Variants in CACNA1A observed in about 807,000 individuals in gnomAD.
CACNA1A encodes voltage-dependent P/Q-type calcium channel subunit alpha-1A.
In CACNA1A, 57 loss-of-function variants were observed where a neutral mutation model predicts 262.4. The ratio of observed to expected loss-of-function variants is 0.22; its 90% CI spans 0.18 to 0.27. The LOEUF is 0.27. Among genes scored for constraint, CACNA1A ranks in the 10% least tolerant of loss-of-function variants. The pLI is 1.00. For synonymous variants in CACNA1A, 1,431 were observed against 1,419.3 expected (o/e 1.01, Z -0.18); for missense variants, 2,526 against 3,562.8 (o/e 0.71, Z 7.41).
Position 13,236,757 on chromosome 19 carries a change from C to G in CACNA1A, c.4951-1027G>C, listed in dbSNP as rs576692060. ...GGACCTCCCTGGGTGGCCACTGCCT[C>G]TGCTCAAAAACCCCCTGTCTAGTCA... On this transcript the variant is annotated intron_variant, in intron 31 of 46. Coordinates refer to ENST00000360228, the MANE Select transcript of CACNA1A (RefSeq NM_001127222.2). The surrounding 1 kb of genome is among the most constrained non-coding windows in gnomAD (Gnocchi z 4.6). The G allele has an allele frequency of 7.2e-5, 11 of 152,490 alleles. No individual in the cohort carries two copies. In the East Asian group the frequency reaches 2.1e-3, roughly 30 times the overall value. 9.4% of individuals were successfully genotyped at this position (152,490 alleles called of 1,614,324 possible).
At chr19:13,399,986 C>T (rs2059871772) in intron 3 of CACNA1A, among the ~76,000 whole-genome samples, 1 of 152,168 alleles carries the variant, frequency 6.6e-6, no homozygotes, top group South Asian at 2.1e-4. Context: ...CCTCAGTTGT[C>T]TCATCTGTAA....
intron 10 of CACNA1A, among the ~76,000 whole-genome samples, chr19:13,318,562 G>A (rs143491593): frequency 2.2e-4 from 33 of 152,264 alleles, no homozygotes; most frequent in African/African-American, 7.5e-4. Context: ...AGTGAGAGGT[G>A]AGGACGGGAG....
At chr19:13,445,598 G>T (rs953745512) in intron 3 of CACNA1A, among the ~76,000 whole-genome samples, 3 of 152,150 alleles carry the variant, frequency 2.0e-5, no homozygotes. Context: ...CTCTGGTGAG[G>T]TTCACAGTCT....
chr19:13,209,041 G>C (rs188871174), intron 45 of CACNA1A, 32 bp from the exon 46 acceptor site: 24 of 1,536,740 alleles, frequency 1.6e-5, no homozygotes, highest in Non-Finnish European at 2.0e-5. Flanking sequence ...CAGACACACA[G>C]GTGGTCGTGA....
chr19:13,382,156 C>A (rs552793343), intron 3 of CACNA1A, among the ~76,000 whole-genome samples: 6 of 152,110 alleles, frequency 3.9e-5, no homozygotes, highest in Non-Finnish European at 8.8e-5. Flanking sequence ...GATTCAACTA[C>A]AAGTCCCTCT....
At chr19:13,480,093 T>C (rs1489336435) in intron 1 of CACNA1A, among the ~76,000 whole-genome samples, 1 of 152,236 alleles carries the variant, frequency 6.6e-6, no homozygotes, top group African/African-American at 2.4e-5. Flanking sequence ...ACAACTATAT[T>C]AGCATATTAC....
chr19:13,402,857 T>TAC (rs1282745878), intron 3 of CACNA1A, among the ~76,000 whole-genome samples: 7,212 of 74,572 alleles, frequency 0.097, 710 homozygotes, highest in Non-Finnish European at 0.13. Flanking sequence ...CATATATATA[T>TAC]ACACACACAC....
chr19:13,225,961 G>C (rs967505067), intron 37 of CACNA1A: 1 of 151,986 alleles, frequency 6.6e-6, no homozygotes, highest in African/African-American at 2.4e-5. Flanking sequence ...CAAAGCACTA[G>C]GATTACAGGC....
Position 13,214,958 on chromosome 19 carries a change from G to A in CACNA1A, c.5732-350C>T. ...AACTCAGTTTCTCCATCTGTGAAAT[G>A]GAGATGATAGCAAGAGTACTTGCCT... On this transcript the variant is annotated intron_variant, in intron 38 of 46. Transcript: ENST00000360228. The surrounding 1 kb of genome is among the most constrained non-coding windows in gnomAD (Gnocchi z 4.1). 1 of 254,838 alleles carries A rather than the reference G, an allele frequency of 3.9e-6. No homozygotes were observed. The highest frequency in any genetic ancestry group is 6.8e-5 in the South Asian group (1 of 14,738). 15.8% of individuals were successfully genotyped at this position (254,838 alleles called of 1,614,324 possible).
rs1187803857 is a variant in CACNA1A, at chr19:13,506,421, G to A, written c.-197C>T. The A allele has an allele frequency of 6.8e-5, 27 of 399,086 alleles. No homozygotes were observed. The highest frequency in any genetic ancestry group is 9.1e-5 in the Non-Finnish European group (21 of 230,704). The allele number at this position is 399,086 out of a possible 1,614,324, so 24.7% of individuals were successfully genotyped here. On this transcript the variant is annotated 5_prime_UTR_variant, in exon 1 of 47. Coordinates refer to ENST00000360228, the MANE Select transcript of CACNA1A (RefSeq NM_001127222.2). ...GCCTCGGGTCGGGGGCTCAGAAGGCGGCTGCCCGGGCCGAGCCGGGGATAG... is the reference window on the plus strand; with the variant it reads ...GCCTCGGGTCGGGGGCTCAGAAGGCAGCTGCCCGGGCCGAGCCGGGGATAG...
At chr19:13,223,897 G>C (rs1259496695) in intron 38 of CACNA1A, among the ~76,000 whole-genome samples, 1 of 152,172 alleles carries the variant, frequency 6.6e-6, no homozygotes, top group Non-Finnish European at 1.5e-5. Flanking sequence ...CGGGTGTGGT[G>C]GCTCATGCCT....
In CACNA1A at chr19:13,241,879, C is replaced by T; in HGVS notation, c.4950+3303G>A. Among the ~76,000 whole-genome samples, 1 of 152,172 alleles carries T rather than the reference C, an allele frequency of 6.6e-6. No individual in the cohort carries two copies. Among genetic ancestry groups the T allele is most frequent in the Non-Finnish European group, 1.5e-5 (1 of 68,034 alleles). ...CAGGGCAAACCCACATCACCCCAGCCACTTGGGGGCAGCAGCTGAGACAGC... is the reference window on the plus strand; with the variant it reads ...CAGGGCAAACCCACATCACCCCAGCTACTTGGGGGCAGCAGCTGAGACAGC... On this transcript the variant is annotated intron_variant, in intron 31 of 46. Transcript: ENST00000360228. The surrounding 1 kb of genome is among the most constrained non-coding windows in gnomAD (Gnocchi z 4.0).
intron 3 of CACNA1A, among the ~76,000 whole-genome samples, chr19:13,443,928 A>T (rs2060767099): frequency 1.3e-5 from 2 of 152,200 alleles, no homozygotes; most frequent in African/African-American, 4.8e-5. Context: ...GCTCAATGTG[A>T]TAATACACAT....
In CACNA1A at chr19:13,419,417, T is replaced by C. The variant is rs571552522; in HGVS notation, c.539+33459A>G. On this transcript the variant is annotated intron_variant, in intron 3 of 46. Transcript: ENST00000360228. ...AAGGCTGGAAACAGTGGCTCATATC[T>C]GTAATCCCAGCACTTTGGGAGGTTA... is the stretch of plus-strand genomic sequence containing the variant. Among the ~76,000 whole-genome samples the C allele has an allele frequency of 1.9e-3, 284 of 152,342 alleles. 2 individuals are homozygous for C. Among genetic ancestry groups the C allele is most frequent in the African/African-American group, 6.6e-3 (276 of 41,584 alleles).
At chr19:13,404,117 C>T (rs929876605) in intron 3 of CACNA1A, among the ~76,000 whole-genome samples, 4 of 152,024 alleles carry the variant, frequency 2.6e-5, no homozygotes, top group African/African-American at 9.7e-5. Context: ...AATACATTGA[C>T]ATTTGTAAAG....
At chr19:13,283,459 TC>T in intron 21 of CACNA1A, 63 bp from the exon 22 acceptor site, 1 of 1,601,498 alleles carries the variant, frequency 6.2e-7, no homozygotes. Context: ...ACCCTTTTCT[TC>T]CATAATCTCA....
Position 13,298,653 on chromosome 19 carries a change from C to G in CACNA1A, c.2980G>C (p.Glu994Gln). 1.3e-6 allele frequency: 2 copies of G among 1,500,698 alleles called. No homozygotes were observed. The highest frequency in any genetic ancestry group is 2.9e-5 in the East Asian group (1 of 34,968). The allele number at this position is 1,500,698 out of a possible 1,614,324, so 93.0% of individuals were successfully genotyped here. ...CTGCGCTCGCCCCCGTCGGGGCCCT[C>G]GCCCTCGCCCTCGCCGCCCCGGGCC... is the stretch of plus-strand genomic sequence containing the variant. Reference protein sequence around the residue: ...RPARGGEGEGEGPDGGERRRR... With the variant: ...RPARGGEGEGQGPDGGERRRR... The change falls in exon 19 of 47, where the codon GAG (glutamate) becomes CAG (glutamine). Residue 994 changes from glutamate (E) to glutamine (Q), a missense_variant. Coordinates refer to ENST00000360228, the MANE Select transcript of CACNA1A (RefSeq NM_001127222.2).
At chr19:13,357,453 C>T (rs1351392457) in intron 6 of CACNA1A, among the ~76,000 whole-genome samples, 2 of 152,118 alleles carry the variant, frequency 1.3e-5, no homozygotes, top group Non-Finnish European at 2.9e-5. Flanking sequence ...TAATTTCAGC[C>T]CTTAGGGCAG....
intron 10 of CACNA1A, among the ~76,000 whole-genome samples, chr19:13,327,987 T>C (rs1054185275): frequency 1.3e-5 from 2 of 152,226 alleles, no homozygotes; most frequent in Non-Finnish European, 2.9e-5. Context: ...CAACCTTGAA[T>C]TCCTGGGTTC....
Sources: allele counts gnomAD v4.1 joint callset (sites outside exome capture counted in the v4.1 genomes callset), GRCh38; gene constraint gnomAD v4.1.1; non-coding constraint Gnocchi (gnomAD v3.1); transcripts MANE v1.5; gene names NCBI Gene and HGNC (gene_info 2026-07-23, HGNC 2026-07-21).